The following DNAH10 variants were observed in gnomAD, a reference collection of about 807,000 sequenced individuals.
DNAH10 encodes axonemal beta dynein heavy chain 10.
A neutral mutation model predicts 506.6 loss-of-function variants in DNAH10; 348 were observed. The ratio of observed to expected loss-of-function variants is 0.69; its 90% confidence interval spans 0.63 to 0.75. The LOEUF is 0.75. DNAH10 is among the 30% of genes least tolerant of loss of function. DNAH10 has a pLI of 0.00. For missense variants in DNAH10, 5,179 were observed against 5,787.1 expected, an observed-to-expected ratio of 0.89 and a Z score of 3.41; for synonymous variants, 2,059 against 2,198.6, an observed-to-expected ratio of 0.94 and a Z score of 1.78.
chr12:123,837,038 A>T (rs1961211430), intron 28 of DNAH10, among the ~76,000 whole-genome samples: 1 of 151,228 alleles, frequency 6.6e-6, no homozygotes, highest in Non-Finnish European at 1.5e-5. Context: ...TTTTTAGTAG[A>T]GACGGGGTTT....
Position 123,919,562 on chromosome 12 carries a change from C to T in DNAH10, c.11506+613C>T, listed in dbSNP as rs138213494. ...TGCAGCTATCACTACTCTCTGGCTC[C>T]GGAACGTTTCCACCAGCCCCGAAAT... On this transcript the variant is annotated intron_variant, in intron 65 of 78. Coordinates refer to ENST00000673944, the MANE Select transcript of DNAH10 (RefSeq NM_001372106.1). The surrounding 1 kb of genome is among the most constrained non-coding windows in gnomAD (Gnocchi z 4.9). Among the ~76,000 whole-genome samples, 26 of 152,292 alleles carry T rather than the reference C, an allele frequency of 1.7e-4. No homozygotes were observed. The East Asian group carries it at 2.3e-3, about 14-fold the overall frequency.
At chr12:123,788,660 G>A (rs1222268050) in intron 10 of DNAH10, among the ~76,000 whole-genome samples, 1 of 152,190 alleles carries the variant, frequency 6.6e-6, no homozygotes, top group Non-Finnish European at 1.5e-5. Flanking sequence ...AGGCATGATG[G>A]CTCACACCTG....
chr12:123,843,803 C>T (rs1950854093), intron 30 of DNAH10, among the ~76,000 whole-genome samples: 1 of 152,210 alleles, frequency 6.6e-6, no homozygotes, highest in South Asian at 2.1e-4. Context: ...GTCTCGAACT[C>T]CCGACCTCAG....
intron 38 of DNAH10, among the ~76,000 whole-genome samples, chr12:123,859,771 C>T (rs1417190636): frequency 8.5e-5 from 13 of 152,216 alleles, no homozygotes; most frequent in Admixed American, 5.9e-4. Flanking sequence ...TGGTGGCTCA[C>T]GCCTGTAATC....
intron 38 of DNAH10, among the ~76,000 whole-genome samples, chr12:123,860,608 C>CATTAGTAG: frequency 6.6e-6 from 1 of 152,136 alleles, no homozygotes; most frequent in East Asian, 1.9e-4. Flanking sequence ...GAGGATTGAA[C>CATTAGTAG]ATTAGTAGTC....
intron 2 of DNAH10, among the ~76,000 whole-genome samples, chr12:123,770,237 G>C (rs1957199102): frequency 6.6e-6 from 1 of 151,776 alleles, no homozygotes. Context: ...GACACAGTGA[G>C]ATTTGTCTCA....
chr12:123,778,772 C>G (rs1270539887), intron 5 of DNAH10, among the ~76,000 whole-genome samples: 1 of 152,180 alleles, frequency 6.6e-6, no homozygotes. Flanking sequence ...AGTTCTTACT[C>G]TATTGCTCAG....
intron 53 of DNAH10, among the ~76,000 whole-genome samples, chr12:123,893,658 C>G (rs1345088099): frequency 6.6e-6 from 1 of 152,252 alleles, no homozygotes; most frequent in African/African-American, 2.4e-5. Flanking sequence ...CCATGCTCCT[C>G]CATGCGAGGC....
intron 58 of DNAH10, 141 bp from the exon 59 acceptor site, chr12:123,910,395 G>C: frequency 9.2e-7 from 1 of 1,091,818 alleles, no homozygotes; most frequent in Non-Finnish European, 1.3e-6. Context: ...TTGACACCAC[G>C]CTGTTGGCCG....
At position 123,787,716 on chromosome 12, in the gene DNAH10, T is replaced by C. The variant is rs1957912164; in HGVS notation, c.1422-88T>C. On this transcript the variant is annotated intron_variant, in intron 9 of 78. Transcript: ENST00000673944. The surrounding 1 kb of genome is among the most constrained non-coding windows in gnomAD (Gnocchi z 4.6). The stretch of plus-strand genomic sequence containing the variant: ...CAGGGGGGGCGCCCGGGTCAGAGCT[T>C]CACGGGACACTGGCTCCCCAGCCGG... The C allele has an allele frequency of 5.3e-6, 8 of 1,508,140 alleles. No homozygotes were observed. Among genetic ancestry groups the C allele is most frequent in the Non-Finnish European group, 7.2e-6 (8 of 1,108,402 alleles). 93.4% of individuals were successfully genotyped at this position (1,508,140 alleles called of 1,614,324 possible).
In DNAH10 at chr12:123,903,663, AGGGTAACGT is replaced by A. The variant is rs936214331; in HGVS notation, c.9815+553_9815+561del. Among the ~76,000 whole-genome samples, 21 of 152,184 alleles carry A rather than the reference AGGGTAACGT, an allele frequency of 1.4e-4. No individual in the cohort carries two copies. The highest frequency in any genetic ancestry group is 2.2e-4 in the African/African-American group (9 of 41,450). ...CCAGAGGGCTCATCTGCTGTCAGCG[AGGGTAACGT>A]GGTGTGGCGTGGGCTAACAAGCTTT... On this transcript the variant is annotated intron_variant, in intron 57 of 78. Transcript: ENST00000673944. The surrounding 1 kb of genome is among the most constrained non-coding windows in gnomAD (Gnocchi z 4.6).
chr12:123,809,012 C>T, intron 19 of DNAH10, 59 bp downstream of exon 19: 1 of 1,598,570 alleles, frequency 6.3e-7, no homozygotes, highest in Non-Finnish European at 8.6e-7. Context: ...CCTCCGCCTC[C>T]CAAAGTGCTG....
At chr12:123,881,512 C>T (rs1399887361) in intron 50 of DNAH10, 113 bp from the exon 51 acceptor site, 20 of 1,094,244 alleles carry the variant, frequency 1.8e-5, no homozygotes, top group Admixed American at 3.7e-5. Flanking sequence ...GATTTTTTCT[C>T]GTAAATTTGT....
rs868200534 is a variant in DNAH10 at position 123,848,092 on chromosome 12, C to T, written c.5946C>T (p.Tyr1982=). 4.3e-6 allele frequency: 7 copies of T among 1,613,098 alleles called. No homozygotes were observed. The highest frequency in any genetic ancestry group is 1.7e-4 in the Middle Eastern group (1 of 6,036). Residue 1982 remains tyrosine (Y), a synonymous_variant, in exon 33 of 79, where the codon TAC becomes TAT. Coordinates refer to ENST00000673944, the MANE Select transcript of DNAH10 (RefSeq NM_001372106.1). The part of the protein sequence containing the change: ...VVTNCGEGMD[Y]RAVGKIFSGL... ...CCAACTGTGGCGAAGGCATGGATTACAGGGTAAGGCCTGGCTGTCACCTTT... is the reference window on the plus strand; with the variant it reads ...CCAACTGTGGCGAAGGCATGGATTATAGGGTAAGGCCTGGCTGTCACCTTT...
intron 36 of DNAH10, among the ~76,000 whole-genome samples, chr12:123,855,017 A>G (rs921552034): frequency 1.3e-5 from 2 of 152,254 alleles, no homozygotes; most frequent in African/African-American, 4.8e-5. Context: ...CAAAGGAAAC[A>G]TCAGGCTTCA....
At position 123,781,285 on chromosome 12, in the gene DNAH10, T is replaced by G. The variant is rs773837084; in HGVS notation, c.827T>G (p.Met276Arg). Residue 276 changes from methionine to arginine, a missense_variant, in exon 6 of 79, where the codon ATG (methionine) becomes AGG (arginine). Met to Arg is a moderately conservative substitution (Grantham distance 91, BLOSUM62 -1). Transcript: ENST00000673944. ...QKFASNIQRT[M>R]QQLEGEIKLE... ...TTTGCAAGTAATATTCAAAGAACCA[T>G]GCAGCAACTTGAAGGTAAGGTTTCA... The G allele has an allele frequency of 2.5e-5, 41 of 1,611,400 alleles. No individual in the cohort carries two copies. The highest frequency in any genetic ancestry group is 3.1e-5 in the Non-Finnish European group (36 of 1,178,834).
chr12:123,817,212 T>C (rs960889176), intron 21 of DNAH10, among the ~76,000 whole-genome samples: 1 of 151,628 alleles, frequency 6.6e-6, no homozygotes, highest in Non-Finnish European at 1.5e-5. Context: ...TGTTCTTCTT[T>C]TTTTTTTCCT....
rs1437172513 is a variant in DNAH10, at chr12:123,767,700, G to A, written c.298+11G>A. ...TGGATAAAGTGCGAGGTGTGGAGTT[G>A]GGAGGGGTCATGGGAGGGTGGAACT... On this transcript the variant is annotated intron_variant, in intron 2 of 78. Transcript: ENST00000673944. 6.2e-7 allele frequency: 1 copy of A among 1,607,532 alleles called. No homozygotes were observed. Among genetic ancestry groups the A allele is most frequent in the Non-Finnish European group, 8.5e-7 (1 of 1,176,812 alleles).
rs144545372 is a variant in DNAH10, at chr12:123,844,182, G to A, written c.5361-1418G>A. Among the ~76,000 whole-genome samples the A allele has an allele frequency of 4.7e-4, 72 of 152,210 alleles. 1 individual carries two copies. The East Asian group carries it at 0.012, about 25-fold the overall frequency. ...GGAACTAACAACCACTTATAAAACC[G>A]TCAGATCTCATGAGAACTCACTCAG... On this transcript the variant is annotated intron_variant, in intron 30 of 78. Transcript: ENST00000673944.
Sources: allele counts gnomAD v4.1 joint callset (sites outside exome capture counted in the v4.1 genomes callset), GRCh38; gene constraint gnomAD v4.1.1; non-coding constraint Gnocchi (gnomAD v3.1); transcripts MANE v1.5; gene names NCBI Gene and HGNC (gene_info 2026-07-23, HGNC 2026-07-21).